RYR2: variants seen among roughly 807,000 people sequenced by gnomAD.
The protein encoded by RYR2 is cardiac muscle ryanodine receptor-calcium release channel.
RYR2 carries 227 observed loss-of-function variants against 601.1 expected under a neutral mutation model. That is an observed-to-expected ratio of 0.38 (90% CI 0.34 to 0.42). The LOEUF (loss-of-function observed/expected upper bound fraction) is 0.42. Ranked by LOEUF, RYR2 falls within the 10% of genes least tolerant of loss-of-function variation. The pLI is 1.00. For missense variants in RYR2, 4,646 were observed against 6,156.5 expected (o/e 0.75, Z 8.21); for synonymous variants, 2,223 against 2,175.1 (o/e 1.02, Z -0.61).
chr1:237,620,035 ATGT>A (rs1301029032), intron 38 of RYR2, among the ~76,000 whole-genome samples: 2 of 152,184 alleles, frequency 1.3e-5, no homozygotes, highest in Admixed American at 6.5e-5. Context: ...ACACTGGGTA[ATGT>A]TGTAATATGG....
intron 29 of RYR2, among the ~76,000 whole-genome samples, chr1:237,586,409 T>C (rs1674531792): frequency 6.6e-6 from 1 of 152,210 alleles, no homozygotes; most frequent in Non-Finnish European, 1.5e-5. Flanking sequence ...GCATTATACA[T>C]ACAAGATCTA....
chr1:237,216,296 C>T (rs1270459430), intron 1 of RYR2, among the ~76,000 whole-genome samples: 1 of 152,028 alleles, frequency 6.6e-6, no homozygotes, highest in African/African-American at 2.4e-5. Context: ...ATATTGAATT[C>T]AGTATTCACC....
At chr1:237,751,118 C>T (rs929926958) in intron 80 of RYR2, among the ~76,000 whole-genome samples, 2 of 152,190 alleles carry the variant, frequency 1.3e-5, no homozygotes, top group African/African-American at 2.4e-5. Context: ...AACACTCTGG[C>T]GCCCTCATGA....
chr1:237,511,547 G>A (rs922618153), intron 23 of RYR2, 141 bp from the exon 24 acceptor site: 12 of 624,976 alleles, frequency 1.9e-5, no homozygotes, highest in African/African-American at 1.8e-4. Flanking sequence ...CGCCTGAGAG[G>A]TTGTGGGGGC....
intron 7 of RYR2, among the ~76,000 whole-genome samples, chr1:237,376,889 G>A (rs144250761): frequency 6.6e-6 from 1 of 152,198 alleles, no homozygotes; most frequent in East Asian, 1.9e-4. Flanking sequence ...AATAACTACT[G>A]AGAACATTTT....
At chr1:237,425,785 C>T (rs2150070869) in intron 12 of RYR2, among the ~76,000 whole-genome samples, 1 of 152,006 alleles carries the variant, frequency 6.6e-6, no homozygotes, top group South Asian at 2.1e-4. Context: ...TTAGGGGTGG[C>T]AGAGATGAAG....
At chr1:237,105,517 T>TG (rs1478700494) in intron 1 of RYR2, among the ~76,000 whole-genome samples, 1 of 151,968 alleles carries the variant, frequency 6.6e-6, no homozygotes, top group African/African-American at 2.4e-5. Flanking sequence ...GCCAACATGG[T>TG]GAAAACCTGT....
chr1:237,578,412 G>A (rs1055497594), intron 29 of RYR2, among the ~76,000 whole-genome samples: 1 of 152,050 alleles, frequency 6.6e-6, no homozygotes, highest in South Asian at 2.1e-4. Flanking sequence ...TGAATGAATG[G>A]CTTCTCTGTA....
intron 1 of RYR2, among the ~76,000 whole-genome samples, chr1:237,228,643 G>C (rs760101867): frequency 5.5e-4 from 83 of 152,118 alleles, no homozygotes; most frequent in Admixed American, 1.2e-3. Context: ...TGAACTCTGA[G>C]GTTAGACCAC....
At chr1:237,662,259 T>G (rs1683874674) in intron 56 of RYR2, among the ~76,000 whole-genome samples, 1 of 152,120 alleles carries the variant, frequency 6.6e-6, no homozygotes, top group Non-Finnish European at 1.5e-5. Flanking sequence ...TCTATTTTTT[T>G]GTCTGTGTAC....
At chr1:237,168,795 A>T (rs1168391435) in intron 1 of RYR2, among the ~76,000 whole-genome samples, 2 of 152,214 alleles carry the variant, frequency 1.3e-5, no homozygotes, top group Non-Finnish European at 2.9e-5. Flanking sequence ...CTGTAGACTT[A>T]ATTTGATGGT....
At chr1:237,191,053 T>A (rs1679917765) in intron 1 of RYR2, among the ~76,000 whole-genome samples, 1 of 152,162 alleles carries the variant, frequency 6.6e-6, no homozygotes, top group Non-Finnish European at 1.5e-5. Context: ...CATGTGTTAG[T>A]TTAGGTCTTT....
chr1:237,798,783 C>CAA (rs1276059910), intron 97 of RYR2, among the ~76,000 whole-genome samples: 22 of 93,192 alleles, frequency 2.4e-4, no homozygotes, highest in Non-Finnish European at 3.0e-4. Context: ...ATGTCACACA[C>CAA]ACACACACAC....
intron 63 of RYR2, among the ~76,000 whole-genome samples, chr1:237,690,155 G>A (rs558648615): frequency 1.4e-3 from 214 of 152,206 alleles, no homozygotes; most frequent in Non-Finnish European, 1.9e-3. Context: ...TAAGTCTTAA[G>A]CATTTAAGCT....
At chr1:237,709,723 TA>T (rs1166535859) in intron 70 of RYR2, among the ~76,000 whole-genome samples, 156 bp downstream of exon 70, 1 of 152,108 alleles carries the variant, frequency 6.6e-6, no homozygotes, top group Non-Finnish European at 1.5e-5. Flanking sequence ...ATTTATCCTT[TA>T]AAAAAATCAC....
intron 35 of RYR2, among the ~76,000 whole-genome samples, chr1:237,609,455 C>T (rs761235548): frequency 4.0e-5 from 6 of 151,692 alleles, no homozygotes; most frequent in South Asian, 2.1e-4. Flanking sequence ...CTGCAACCTC[C>T]GCCTCCCAGG....
intron 63 of RYR2, among the ~76,000 whole-genome samples, chr1:237,692,965 T>C (rs1222831841): frequency 2.0e-5 from 3 of 152,154 alleles, no homozygotes; most frequent in African/African-American, 7.2e-5. Context: ...TGGCACACAG[T>C]AAATATTTTA....
chr1:237,416,759 C>CAGAGAGAGAGAGAGAG (rs5781955), intron 10 of RYR2, among the ~76,000 whole-genome samples: 1 of 138,914 alleles, frequency 7.2e-6, no homozygotes, highest in African/African-American at 2.8e-5. Context: ...AACACACACA[C>CAGAGAGAGAGAGAGAG]ACACAGAGAG....
chr1:237,222,038 A>G (rs1395734169), intron 1 of RYR2, among the ~76,000 whole-genome samples: 1 of 152,138 alleles, frequency 6.6e-6, no homozygotes, highest in Non-Finnish European at 1.5e-5. Context: ...AGGAGGAGCT[A>G]GTGTTCCATG....
Sources: gnomAD v4.1 joint callset for allele counts (sites outside exome capture counted in the v4.1 genomes callset) on GRCh38, gnomAD v4.1.1 for gene constraint, MANE v1.5 for transcripts, NCBI Gene and HGNC (gene_info 2026-07-23, HGNC 2026-07-21) for gene names.